The following ZSCAN5C variants were observed in gnomAD, a reference collection of about 807,000 sequenced individuals.
ZSCAN5C encodes the protein zinc finger and SCAN domain containing 5C.
A neutral mutation model predicts 17.3 loss-of-function variants in ZSCAN5C; 11 were observed. That is an observed-to-expected ratio of 0.64 (90% CI 0.40 to 1.06). The LOEUF is 1.06. Ranked by LOEUF, ZSCAN5C falls within the 50% of genes least tolerant of loss-of-function variation. The probability of loss-of-function intolerance (pLI) is 0.00; values close to 1 mark genes in which losing one functional copy is unlikely to be tolerated. For missense variants in ZSCAN5C, 698 were observed against 538.9 expected (o/e 1.30, Z -2.92); for synonymous variants, 229 against 208.4 (o/e 1.10, Z -0.85).
chr19:56,209,228 C>T (rs761409629), downstream of ZSCAN5C: 6 of 663,864 alleles, frequency 9.0e-6, no homozygotes, highest in South Asian at 9.0e-5. Flanking sequence ...TCTTCTGCAC[C>T]AAGAAAGTGT....
chr19:56,202,679 A>G (rs76578434), intron 1 of ZSCAN5C, among the ~76,000 whole-genome samples: 8,742 of 151,956 alleles, frequency 0.058, 585 homozygotes, highest in East Asian at 0.25. Flanking sequence ...TCTGCTTCCC[A>G]AGTAGCAGGA....
intron 1 of ZSCAN5C, among the ~76,000 whole-genome samples, chr19:56,205,081 G>A (rs1385976330): frequency 6.6e-6 from 1 of 151,274 alleles, no homozygotes; most frequent in African/African-American, 2.4e-5. Context: ...TGGGGTGGGT[G>A]GGCAGGCGGT....
At chr19:56,204,542 C>T (rs3097900) in intron 1 of ZSCAN5C, among the ~76,000 whole-genome samples, 71,195 of 150,738 alleles carry the variant, frequency 0.47, 18,070 homozygotes, top group East Asian at 0.68. Context: ...CCTTAAGCCC[C>T]TCTAGTGGGT....
exon 5 of ZSCAN5C, chr19:56,209,151 C>G (rs755102345): frequency 7.4e-7 from 1 of 1,351,876 alleles, no homozygotes; most frequent in East Asian, 2.4e-5. Flanking sequence ...GGTCGGCCGG[C>G]GACCTTAAGA....
At chr19:56,203,640 ATTT>A (rs564406569) in intron 1 of ZSCAN5C, among the ~76,000 whole-genome samples, 43 of 86,812 alleles carry the variant, frequency 5.0e-4, no homozygotes, top group East Asian at 7.1e-4. Context: ...TCTACTGGGA[ATTT>A]TTTTTTTTTT....
At chr19:56,208,540 G>T (rs915421995) in exon 5 of ZSCAN5C, 2 of 1,589,506 alleles carry the variant, frequency 1.3e-6, no homozygotes, top group African/African-American at 1.3e-5. Context: ...CCTGCGTTGT[G>T]GAGAGAGAAG....
intron 1 of ZSCAN5C, among the ~76,000 whole-genome samples, chr19:56,203,913 T>A (rs575806319): frequency 4.1e-4 from 63 of 151,958 alleles, no homozygotes; most frequent in Non-Finnish European, 6.5e-4. Flanking sequence ...CCGTCCAACG[T>A]GCTGGGATTA....
chr19:56,203,413 T>C (rs1411292614), intron 1 of ZSCAN5C, among the ~76,000 whole-genome samples: 1 of 151,926 alleles, frequency 6.6e-6, no homozygotes, highest in African/African-American at 2.4e-5. Context: ...CATGCCTTAC[T>C]TTATGGACTA....
chr19:56,205,346 G>T (rs980316491), intron 1 of ZSCAN5C, among the ~76,000 whole-genome samples: 1 of 149,496 alleles, frequency 6.7e-6, no homozygotes, highest in African/African-American at 2.6e-5. Flanking sequence ...GATTAAGAGG[G>T]TTTGTTGTGG....
intron 1 of ZSCAN5C, among the ~76,000 whole-genome samples, chr19:56,205,286 C>T (rs1189877917): frequency 6.6e-6 from 1 of 151,828 alleles, no homozygotes; most frequent in Non-Finnish European, 1.5e-5. Context: ...GGAGCTTAAT[C>T]CTCATAGGAT....
At chr19:56,206,191 T>C in exon 2 of ZSCAN5C, 1 of 1,592,778 alleles carries the variant, frequency 6.3e-7, no homozygotes, top group East Asian at 2.3e-5. Flanking sequence ...GAGCAGTTCA[T>C]GATCTCCATG....
At position 56,206,429 on chromosome 19, in the gene ZSCAN5C, A is replaced by G. The variant is rs192132357; in HGVS notation, c.384+132A>G. 1.9e-3 allele frequency: 2,637 copies of G among 1,359,560 alleles called. 6 individuals carry two copies. The African/African-American group carries it at 0.035, about 18-fold the overall frequency. 84.2% of individuals were successfully genotyped at this position (1,359,560 alleles called of 1,614,324 possible). A position where few individuals can be genotyped will look rare whatever the true frequency, so the allele number is the denominator to read the frequency against. ...CCAAGTAGAGGAGAGTTTGCCCATC[A>G]GGGACACATGGCAGTGTCTGGGGAC... On this transcript the variant is annotated intron_variant, in intron 2 of 4. Coordinates refer to ENST00000534327, the Ensembl canonical transcript of ZSCAN5C.
exon 5 of ZSCAN5C, chr19:56,208,919 C>G: frequency 3.7e-6 from 6 of 1,612,630 alleles, no homozygotes; most frequent in Non-Finnish European, 5.1e-6. Flanking sequence ...ATTTCACCAG[C>G]GAACCCACAC....
intron 1 of ZSCAN5C, among the ~76,000 whole-genome samples, chr19:56,203,265 TCATATC>T (rs2032889166): frequency 6.6e-6 from 1 of 151,186 alleles, no homozygotes; most frequent in South Asian, 2.1e-4. Flanking sequence ...CTTTTCTCTC[TCATATC>T]CATATGCTTT....
At chr19:56,206,724 A>G (rs1199533650) in intron 2 of ZSCAN5C, among the ~76,000 whole-genome samples, 1 of 151,836 alleles carries the variant, frequency 6.6e-6, no homozygotes, top group East Asian at 1.9e-4. Context: ...GGGCCCAGAA[A>G]TACCATCCTG....
exon 5 of ZSCAN5C, chr19:56,209,085 A>T (rs750880583): frequency 6.3e-7 from 1 of 1,596,508 alleles, no homozygotes; most frequent in Admixed American, 1.7e-5. Flanking sequence ...AAGGAGCACC[A>T]GCGCATCCAC....
intron 1 of ZSCAN5C, among the ~76,000 whole-genome samples, chr19:56,205,501 C>G (rs1038579569): frequency 1.3e-5 from 2 of 151,908 alleles, no homozygotes; most frequent in East Asian, 3.8e-4. Context: ...CATTCCTGTC[C>G]TATTTTATTT....
chr19:56,204,884 A>T (rs1330559719), intron 1 of ZSCAN5C, among the ~76,000 whole-genome samples: 2 of 151,952 alleles, frequency 1.3e-5, no homozygotes, highest in African/African-American at 4.9e-5. Flanking sequence ...ATGCCTGGAG[A>T]GTATTACTCA....
chr19:56,206,684 G>C (rs936148511), intron 2 of ZSCAN5C, among the ~76,000 whole-genome samples: 1 of 151,866 alleles, frequency 6.6e-6, no homozygotes, highest in African/African-American at 2.4e-5. Context: ...ATGGAATGTA[G>C]GGAAGGAGGC....
Sources: gnomAD v4.1 joint callset for allele counts (sites outside exome capture counted in the v4.1 genomes callset) on GRCh38, gnomAD v4.1.1 for gene constraint, MANE v1.5 for transcripts, NCBI Gene and HGNC (gene_info 2026-07-23, HGNC 2026-07-21) for gene names.